IMMP2L: variants seen among roughly 807,000 people sequenced by gnomAD.
IMMP2L encodes the protein mitochondrial inner membrane protease subunit 2.
A neutral mutation model predicts 19.3 loss-of-function variants in IMMP2L; 18 were observed. That is an observed-to-expected ratio of 0.93 (90% confidence interval 0.64 to 1.38). The LOEUF is 1.38. Ranked by LOEUF, IMMP2L falls within the 40% of genes most tolerant of loss-of-function variation. IMMP2L has a pLI of 0.00. For missense variants in IMMP2L, 233 were observed against 218.2 expected (o/e 1.07, Z -0.43); for synonymous variants, 76 against 73.0 (o/e 1.04, Z -0.21).
At chr7:111,014,903 A>C (rs551221710) in intron 3 of IMMP2L, among the ~76,000 whole-genome samples, 2 of 152,166 alleles carry the variant, frequency 1.3e-5, no homozygotes, top group African/African-American at 2.4e-5. Flanking sequence ...ACACAAAAAT[A>C]ATAAGTGTTG....
At chr7:111,317,027 T>C (rs921926378) in intron 3 of IMMP2L, among the ~76,000 whole-genome samples, 1 of 151,854 alleles carries the variant, frequency 6.6e-6, no homozygotes, top group Non-Finnish European at 1.5e-5. Context: ...TTTTTGTATT[T>C]TTAGTAGAGA....
intron 3 of IMMP2L, among the ~76,000 whole-genome samples, chr7:111,171,402 T>C (rs572383095): frequency 2.5e-4 from 38 of 151,770 alleles, no homozygotes; most frequent in African/African-American, 8.9e-4. Flanking sequence ...TTGAGCCTCC[T>C]AGTTTTATTA....
At chr7:111,240,649 T>A (rs1050748343) in intron 3 of IMMP2L, among the ~76,000 whole-genome samples, 2 of 151,906 alleles carry the variant, frequency 1.3e-5, no homozygotes, top group African/African-American at 4.8e-5. Context: ...TTAGGGACAG[T>A]CCCATTTTCT....
At chr7:110,979,152 T>C (rs185315417) in intron 3 of IMMP2L, among the ~76,000 whole-genome samples, 1 of 152,258 alleles carries the variant, frequency 6.6e-6, no homozygotes, top group Non-Finnish European at 1.5e-5. Flanking sequence ...ATATAACTTT[T>C]CTGGAGTATA....
At chr7:110,933,398 A>G (rs1212251208) in intron 4 of IMMP2L, among the ~76,000 whole-genome samples, 1 of 152,200 alleles carries the variant, frequency 6.6e-6, no homozygotes, top group Non-Finnish European at 1.5e-5. Context: ...TAAAGAAACC[A>G]TCTCTGCTCC....
At chr7:111,486,255 G>A (rs1842646430) in intron 3 of IMMP2L, among the ~76,000 whole-genome samples, 1 of 152,106 alleles carries the variant, frequency 6.6e-6, no homozygotes, top group South Asian at 2.1e-4. Flanking sequence ...AGAATAGTCT[G>A]AAAGAAACAC....
At chr7:111,307,358 G>A (rs1822993392) in intron 3 of IMMP2L, among the ~76,000 whole-genome samples, 1 of 151,628 alleles carries the variant, frequency 6.6e-6, no homozygotes, top group African/African-American at 2.4e-5. Context: ...GAGTCACTAA[G>A]TTTTGATTTT....
intron 3 of IMMP2L, among the ~76,000 whole-genome samples, chr7:111,191,470 ACAC>A (rs1808869319): frequency 8.4e-6 from 1 of 118,536 alleles, no homozygotes; most frequent in South Asian, 2.8e-4. Context: ...ACACACACAC[ACAC>A]AAAACTTATA....
intron 3 of IMMP2L, among the ~76,000 whole-genome samples, chr7:111,096,145 T>A (rs1797373158): frequency 6.6e-6 from 1 of 151,962 alleles, no homozygotes; most frequent in Admixed American, 6.6e-5. Context: ...TACAGAGCAA[T>A]TTTTCAACAA....
intron 5 of IMMP2L, among the ~76,000 whole-genome samples, chr7:110,754,900 G>T (rs551356145): frequency 6.7e-6 from 1 of 150,340 alleles, no homozygotes; most frequent in Admixed American, 6.7e-5. Flanking sequence ...GTTACAGCAC[G>T]TTCTATTTTT....
At chr7:111,265,237 A>G (rs552711210) in intron 3 of IMMP2L, among the ~76,000 whole-genome samples, 1 of 152,320 alleles carries the variant, frequency 6.6e-6, no homozygotes, top group East Asian at 1.9e-4. Context: ...GTCTCTGAAC[A>G]TAGAATAGGC....
chr7:111,297,735 G>T (rs923092997), intron 3 of IMMP2L, among the ~76,000 whole-genome samples: 2 of 151,996 alleles, frequency 1.3e-5, no homozygotes, highest in Non-Finnish European at 2.9e-5. Flanking sequence ...GAAATAAAAA[G>T]AAATGAACTA....
Position 111,315,908 on chromosome 7 carries a change from T to TAACTGTGTTTCTCAG in IMMP2L, c.239+171329_239+171330insCTGAGAAACACAGTT, listed in dbSNP as rs1460615398. Among the ~76,000 whole-genome samples, 8 of 152,094 alleles carry TAACTGTGTTTCTCAG rather than the reference T, an allele frequency of 5.3e-5. No homozygotes were observed. In the East Asian group the frequency reaches 1.5e-3, roughly 29 times the overall value. ...CAGGAAAGTACAGTTATGCATCACTTAATGATGGAAACACATTCTGAGAAA... is the reference window on the plus strand; with the variant it reads ...CAGGAAAGTACAGTTATGCATCACTTAACTGTGTTTCTCAGAATGATGGAAACACATTCTGAGAAA... On this transcript the variant is annotated intron_variant, in intron 3 of 5. Coordinates refer to ENST00000405709, the MANE Select transcript of IMMP2L (RefSeq NM_032549.4).
chr7:110,747,215 C>G (rs1021415528), intron 5 of IMMP2L, among the ~76,000 whole-genome samples: 1 of 152,126 alleles, frequency 6.6e-6, no homozygotes, highest in Non-Finnish European at 1.5e-5. Context: ...AGTGGAATCC[C>G]TGAATACACC....
intron 3 of IMMP2L, among the ~76,000 whole-genome samples, chr7:111,176,671 A>AT (rs1807097520): frequency 6.6e-6 from 1 of 152,038 alleles, no homozygotes; most frequent in Admixed American, 6.6e-5. Flanking sequence ...GGATACAAAA[A>AT]TATAGTTTAA....
At chr7:111,375,441 C>G (rs544828635) in intron 3 of IMMP2L, among the ~76,000 whole-genome samples, 1 of 152,124 alleles carries the variant, frequency 6.6e-6, no homozygotes, top group South Asian at 2.1e-4. Flanking sequence ...AAACACAGTT[C>G]TCATGTAGGT....
intron 4 of IMMP2L, among the ~76,000 whole-genome samples, chr7:110,900,038 T>C (rs532623983): frequency 3.3e-4 from 50 of 152,334 alleles, no homozygotes; most frequent in African/African-American, 1.2e-3. Context: ...GGAAATCATT[T>C]TTGATAATGT....
Position 111,123,282 on chromosome 7 carries a change from T to C in IMMP2L, c.240-159717A>G. 3.1e-6 allele frequency: 5 copies of C among 1,613,862 alleles called. No individual in the cohort carries two copies. The highest frequency in any genetic ancestry group is 4.2e-6 in the Non-Finnish European group (5 of 1,179,954). ...GCCTACATAATCTTCTTCGACTTCA[T>C]CTCAATTCAAATAGATTGCAGATGA... On this transcript the variant is annotated intron_variant, in intron 3 of 5. Coordinates refer to ENST00000405709, the MANE Select transcript of IMMP2L (RefSeq NM_032549.4). This position sits in a 1 kb window ranked among gnomAD's most constrained non-coding sequence, Gnocchi z 6.4.
intron 3 of IMMP2L, among the ~76,000 whole-genome samples, chr7:111,363,355 T>C (rs990569300): frequency 7.9e-5 from 12 of 152,090 alleles, no homozygotes; most frequent in Non-Finnish European, 1.2e-4. Flanking sequence ...AAGTGATCCC[T>C]ATGCAGACAA....
Sources: allele counts gnomAD v4.1 joint callset (sites outside exome capture counted in the v4.1 genomes callset), GRCh38; gene constraint gnomAD v4.1.1; non-coding constraint Gnocchi (gnomAD v3.1); transcripts MANE v1.5; gene names NCBI Gene and HGNC (gene_info 2026-07-23, HGNC 2026-07-21).